Variants in CBLN2 observed in about 807,000 individuals in gnomAD.
The protein encoded by CBLN2 is cerebellin 2 precursor, also known as cerebellin-2.
A neutral mutation model predicts 15.0 loss-of-function variants in CBLN2; 7 were observed. The observed-to-expected ratio is 0.47, with a 90% confidence interval of 0.27 to 0.88. CBLN2 has a LOEUF of 0.88. Ranked by LOEUF, CBLN2 falls within the 40% of genes least tolerant of loss-of-function variation. The pLI is 0.14. For synonymous variants in CBLN2, 149 were observed against 135.2 expected (o/e 1.10, Z -0.71); for missense variants, 242 against 304.5 (o/e 0.79, Z 1.53).
chr18:72,609,820 C>T (rs1437232559), intron 1 of CBLN2, among the ~76,000 whole-genome samples: 5 of 152,206 alleles, frequency 3.3e-5, no homozygotes, highest in Non-Finnish European at 7.3e-5. Context: ...GAATGGAAAT[C>T]GTTGTCACTA....
chr18:72,624,811 C>T (rs1343396807), intron 1 of CBLN2, among the ~76,000 whole-genome samples: 1 of 152,112 alleles, frequency 6.6e-6, no homozygotes, highest in Non-Finnish European at 1.5e-5. Flanking sequence ...ATGCACCTTG[C>T]AATTTCTTTT....
chr18:72,623,478 T>A (rs1044884612), intron 1 of CBLN2, among the ~76,000 whole-genome samples: 6 of 152,138 alleles, frequency 3.9e-5, no homozygotes, highest in African/African-American at 1.4e-4. Context: ...TGTACTTGAT[T>A]TGAAGTCACT....
At chr18:72,603,686 C>T (rs147968068) in intron 1 of CBLN2, among the ~76,000 whole-genome samples, 8 of 152,288 alleles carry the variant, frequency 5.3e-5, no homozygotes, top group African/African-American at 1.2e-4. Flanking sequence ...CACTGCTAGA[C>T]GTTCTCTCTG....
At chr18:72,589,667 G>A (rs1257591483) in intron 1 of CBLN2, among the ~76,000 whole-genome samples, 1 of 152,176 alleles carries the variant, frequency 6.6e-6, no homozygotes, top group Non-Finnish European at 1.5e-5. Context: ...TTTAAGATAC[G>A]AGTTGACACA....
chr18:72,538,786 G>C lies in CBLN2; in HGVS notation c.358-14C>G. 2 of 1,612,638 alleles carry C rather than the reference G, an allele frequency of 1.2e-6. No homozygotes were observed. Among genetic ancestry groups the C allele is most frequent in the East Asian group, 2.2e-5 (1 of 44,860 alleles). On this transcript the variant is annotated splice_polypyrimidine_tract_variant and intron_variant, in intron 3 of 4. Transcript: ENST00000269503. ...ATTTACTAATACCTGAAAAAGAAGA[G>C]GGAACACAGCACACAATGGCAAGCC...
At chr18:72,635,373 T>A (rs2069805247) in intron 1 of CBLN2, among the ~76,000 whole-genome samples, 1 of 152,176 alleles carries the variant, frequency 6.6e-6, no homozygotes, top group South Asian at 2.1e-4. Context: ...TTTTCTTATA[T>A]TCTACAGGAT....
chr18:72,555,158 G>C lies in CBLN2; in HGVS notation c.16-16386C>G, dbSNP rs189987275. ...TTTAAAAAAAGAAAAGAAAAACACAGAGAGAGAGAGAGAGAGGGAAAAAAA... is the reference window on the plus strand; with the variant it reads ...TTTAAAAAAAGAAAAGAAAAACACACAGAGAGAGAGAGAGAGGGAAAAAAA... On this transcript the variant is annotated intron_variant, in intron 1 of 2. Transcript: ENST00000581073. Among the ~76,000 whole-genome samples, 327 of 149,152 alleles carry C rather than the reference G, an allele frequency of 2.2e-3. 1 individual carries two copies. Among genetic ancestry groups the C allele is most frequent in the African/African-American group, 5.6e-3 (229 of 40,926 alleles).
At chr18:72,627,237 T>C (rs985281784) in intron 1 of CBLN2, among the ~76,000 whole-genome samples, 17 of 152,208 alleles carry the variant, frequency 1.1e-4, no homozygotes, top group African/African-American at 3.9e-4. Flanking sequence ...TAAATAAATA[T>C]ATTCGGGATG....
Position 72,563,696 on chromosome 18 carries a change from C to T in CBLN2, c.16-24924G>A, listed in dbSNP as rs553323519. ...TCACATGCTCCATTTGTTTGTACACCAACCAAGAGTAGCTGTGGCCATCTG... is the reference window on the plus strand; with the variant it reads ...TCACATGCTCCATTTGTTTGTACACTAACCAAGAGTAGCTGTGGCCATCTG... On this transcript the variant is annotated intron_variant, in intron 1 of 2. Transcript: ENST00000581073. 3.9e-5 allele frequency among the ~76,000 whole-genome samples: 6 copies of T among 152,312 alleles called. No individual in the cohort carries two copies. The South Asian group carries it at 1.2e-3, about 32-fold the overall frequency.
chr18:72,575,533 G>A (rs1050800779), intron 1 of CBLN2, among the ~76,000 whole-genome samples: 2 of 152,160 alleles, frequency 1.3e-5, no homozygotes, highest in African/African-American at 4.8e-5. Flanking sequence ...TCTGAGTGCA[G>A]CAGTGAGAAG....
intron 1 of CBLN2, among the ~76,000 whole-genome samples, chr18:72,601,419 G>C (rs1429877544): frequency 6.6e-6 from 1 of 150,930 alleles, no homozygotes; most frequent in Non-Finnish European, 1.5e-5. Flanking sequence ...TGTATGCCAT[G>C]TGCCACAATT....
chr18:72,552,947 A>T (rs757500693), intron 1 of CBLN2, among the ~76,000 whole-genome samples: 2 of 152,168 alleles, frequency 1.3e-5, no homozygotes, highest in Non-Finnish European at 2.9e-5. Context: ...TGTTATTACT[A>T]TTATTCAATC....
chr18:72,597,715 G>T (rs1332441674), intron 1 of CBLN2, among the ~76,000 whole-genome samples: 1 of 152,196 alleles, frequency 6.6e-6, no homozygotes, highest in African/African-American at 2.4e-5. Flanking sequence ...GATCTACCTG[G>T]TGTTCTATTC....
At chr18:72,570,550 C>G (rs1054855043) in intron 1 of CBLN2, among the ~76,000 whole-genome samples, 1 of 151,966 alleles carries the variant, frequency 6.6e-6, no homozygotes, top group Admixed American at 6.6e-5. Flanking sequence ...GCCCAGCCAG[C>G]CAACAGCATT....
chr18:72,542,665 G>T (rs934266120), intron 2 of CBLN2, among the ~76,000 whole-genome samples: 1 of 152,074 alleles, frequency 6.6e-6, no homozygotes, highest in African/African-American at 2.4e-5. Context: ...GGGCTAAGAC[G>T]CAGGCAAAGA....
chr18:72,586,184 TGCTGCAGCCAGCAACATG>T (rs990666899), intron 1 of CBLN2, among the ~76,000 whole-genome samples: 3 of 152,220 alleles, frequency 2.0e-5, no homozygotes, highest in African/African-American at 7.2e-5. Context: ...ATGCCTCCCC[TGCTGCAGCCAGCAACATG>T]GCAGCAGTGC....
At chr18:72,583,971 T>A (rs1210227844) in intron 1 of CBLN2, among the ~76,000 whole-genome samples, 1 of 152,258 alleles carries the variant, frequency 6.6e-6, no homozygotes, top group Non-Finnish European at 1.5e-5. Context: ...TTTCTTTTTT[T>A]CTGTGATAAA....
At chr18:72,608,767 CAT>C (rs1364450649) in intron 1 of CBLN2, among the ~76,000 whole-genome samples, 1 of 152,178 alleles carries the variant, frequency 6.6e-6, no homozygotes, top group Non-Finnish European at 1.5e-5. Flanking sequence ...CTAATAAAAA[CAT>C]ATCTGAAACT....
intron 1 of CBLN2, among the ~76,000 whole-genome samples, chr18:72,626,799 C>A (rs1346528738): frequency 6.6e-6 from 1 of 152,172 alleles, no homozygotes; most frequent in Non-Finnish European, 1.5e-5. Context: ...GATTTGATGA[C>A]CACTAGCTCA....
Sources: gnomAD v4.1 joint callset for allele counts (sites outside exome capture counted in the v4.1 genomes callset) on GRCh38, gnomAD v4.1.1 for gene constraint, MANE v1.5 for transcripts, NCBI Gene and HGNC (gene_info 2026-07-23, HGNC 2026-07-21) for gene names.